POLR1A: variants seen among roughly 807,000 people sequenced by gnomAD.
POLR1A encodes the protein RNA polymerase I subunit A, also known as DNA-directed RNA polymerase I subunit RPA1.
A neutral mutation model predicts 205.3 loss-of-function variants in POLR1A; 84 were observed. That is an observed-to-expected ratio of 0.41 (90% CI 0.34 to 0.49). The LOEUF is 0.49. POLR1A is among the 20% of genes least tolerant of loss of function. POLR1A has a pLI of 0.22. For synonymous variants in POLR1A, 799 were observed against 863.7 expected, an observed-to-expected ratio of 0.93 and a Z score of 1.31; for missense variants, 1,645 against 2,204.5, an observed-to-expected ratio of 0.75 and a Z score of 5.08.
chr2:86,043,914 T>C (rs1321170436), intron 22 of POLR1A, among the ~76,000 whole-genome samples: 1 of 152,208 alleles, frequency 6.6e-6, no homozygotes, highest in East Asian at 1.9e-4. Context: ...GTAGGTATTA[T>C]TCCAGAGGTG....
Position 86,027,758 on chromosome 2 carries a change from C to T in POLR1A, c.5062+127G>A, listed in dbSNP as rs974465461. ...CTGCTGTTCAGCCCCCTCCAGCCGC[C>T]CCCGCTCCCCTCAGATCCCAAGATC... is the stretch of plus-strand genomic sequence containing the variant. On this transcript the variant is annotated intron_variant, in intron 33 of 33. Coordinates refer to ENST00000263857, the MANE Select transcript of POLR1A (RefSeq NM_015425.6). The T allele has an allele frequency of 2.7e-6, 3 of 1,118,180 alleles. No individual in the cohort carries two copies. In the South Asian group the frequency reaches 4.2e-5, roughly 16 times the overall value. 69.3% of individuals were successfully genotyped at this position (1,118,180 alleles called of 1,614,324 possible).
chr2:86,086,668 T>C (rs1392242331), intron 6 of POLR1A, among the ~76,000 whole-genome samples: 1 of 152,132 alleles, frequency 6.6e-6, no homozygotes. Context: ...TTGTTTCTAA[T>C]GCACAGACTT....
At position 86,070,699 on chromosome 2, in the gene POLR1A, C is replaced by A. The variant is rs200649856; in HGVS notation, c.1612-427G>T. ...AGGCATTGGCAGACTTTCGAATCCC[C>A]CCCCCGCCGTGATCACATGTGAGTA... On this transcript the variant is annotated intron_variant, in intron 12 of 33. Transcript: ENST00000263857. The surrounding 1 kb of genome is among the most constrained non-coding windows in gnomAD (Gnocchi z 4.4). Among the ~76,000 whole-genome samples, 5 of 107,844 alleles carry A rather than the reference C, an allele frequency of 4.6e-5. No individual in the cohort carries two copies. Among genetic ancestry groups the A allele is most frequent in the Non-Finnish European group, 8.3e-5 (4 of 48,082 alleles). The allele number at this position is 107,844 out of a possible 152,430, so 70.7% of individuals were successfully genotyped here.
Position 86,028,867 on chromosome 2 carries a change from G to T in POLR1A, c.4780-156C>A. On this transcript the variant is annotated intron_variant, in intron 31 of 33. Transcript: ENST00000263857. This position sits in a 1 kb window ranked among gnomAD's most constrained non-coding sequence, Gnocchi z 4.5. Reference sequence around the variant, plus strand: ...AAGAGGTGGCCCAGGATTAGCAGAAGGAAATGGCTAGGCAGAGCTGCTGAC... The same window carrying T: ...AAGAGGTGGCCCAGGATTAGCAGAATGAAATGGCTAGGCAGAGCTGCTGAC... 1.6e-6 allele frequency: 1 copy of T among 618,792 alleles called. No homozygotes were observed. The highest frequency in any genetic ancestry group is 2.9e-6 in the Non-Finnish European group (1 of 339,190). The allele number at this position is 618,792 out of a possible 1,614,324, so 38.3% of individuals were successfully genotyped here.
At position 86,043,184 on chromosome 2, in the gene POLR1A, T is replaced by A; in HGVS notation, c.3147A>T (p.Lys1049Asn). Residue 1049 changes from lysine to asparagine, a missense_variant, in exon 23 of 34, where the codon AAA (lysine) becomes AAT (asparagine). Lys to Asn is a moderately conservative substitution (Grantham distance 94). Transcript: ENST00000263857. ...ATAAAACTTCATGGAGATGCTGTGA[T>A]TTCATTATCACCTAAACAAACAAAC... ...FLASNYEVIM[K>N]SQHLHEVLSR... is the part of the protein sequence containing the mutation. The A allele has an allele frequency of 6.2e-7, 1 of 1,611,932 alleles. No individual in the cohort carries two copies. Among genetic ancestry groups the A allele is most frequent in the Non-Finnish European group, 8.5e-7 (1 of 1,178,514 alleles).
intron 14 of POLR1A, among the ~76,000 whole-genome samples, chr2:86,061,971 G>A (rs1673006944): frequency 6.6e-6 from 1 of 152,176 alleles, no homozygotes; most frequent in Non-Finnish European, 1.5e-5. Flanking sequence ...TGCAATGACA[G>A]GCAAATCTCT....
chr2:86,092,748 C>T (rs1307067375), intron 3 of POLR1A, among the ~76,000 whole-genome samples: 2 of 152,124 alleles, frequency 1.3e-5, no homozygotes, highest in East Asian at 1.9e-4. Context: ...TCACTTGAAC[C>T]CGGGAGGTGG....
At position 86,089,889 on chromosome 2, in the gene POLR1A, C is replaced by G. The variant is rs146078741; in HGVS notation, c.473G>C (p.Arg158Pro). Residue 158 changes from arginine (R) to proline (P), a missense_variant, in exon 4 of 34, where the codon CGG (arginine) becomes CCG (proline). Physicochemically the swap from Arg to Pro is moderately radical, Grantham distance 103 (BLOSUM62 -2). Transcript: ENST00000263857. ...ENPDPSASEI[R>P]EELEQYTTEI... Reference sequence around the variant, plus strand: ...AGTTGTGTATTGTTCTAATTCCTCCCGAATTTCAGAGGCAGAGGGATCGGG... The same window carrying G: ...AGTTGTGTATTGTTCTAATTCCTCCGGAATTTCAGAGGCAGAGGGATCGGG... 13,374 of 1,611,964 alleles carry G rather than the reference C, an allele frequency of 8.3e-3. 48 individuals carry two copies. The highest frequency in any genetic ancestry group is 9.2e-3 in the Non-Finnish European group (10,820 of 1,178,022).
Position 86,065,383 on chromosome 2 carries a change from C to T in POLR1A, c.1949G>A (p.Arg650Gln), listed in dbSNP as rs552444742. The T allele has an allele frequency of 2.5e-5, 41 of 1,614,082 alleles. No homozygotes were observed. The highest frequency in any genetic ancestry group is 8.0e-5 in the African/African-American group (6 of 75,010). Residue 650 changes from arginine (R) to glutamine (Q), a missense_variant, in exon 14 of 34, where the codon CGG becomes CAG. Coordinates refer to ENST00000263857, the MANE Select transcript of POLR1A (RefSeq NM_015425.6). Reference sequence around the variant, plus strand: ...GTACACCAGCTCCATATAGTGCTCCCGGGTGAAAAAGCAACCCCGAGTAGT... The same window carrying T: ...GTACACCAGCTCCATATAGTGCTCCTGGGTGAAAAAGCAACCCCGAGTAGT... ...SMTTRGCFFT[R>Q]EHYMELVYRG...
chr2:86,075,086 C>T lies in POLR1A; in HGVS notation c.1555G>A (p.Ala519Thr). The T allele has an allele frequency of 1.2e-6, 2 of 1,612,402 alleles. No individual in the cohort carries two copies. Among genetic ancestry groups the T allele is most frequent in the Non-Finnish European group, 1.7e-6 (2 of 1,179,894 alleles). The change falls in exon 12 of 34, where the codon GCC becomes ACC. Residue 519 changes from alanine to threonine, a missense_variant. Coordinates refer to ENST00000263857, the MANE Select transcript of POLR1A (RefSeq NM_015425.6). ...AVDMTQREAVAKQLLTPATGA... is the reference protein window; with the variant it reads ...AVDMTQREAVTKQLLTPATGA... ...GTGGCTGGGGTCAGAAGCTGCTTGG[C>T]CACGGCCTCTCGCTGGGTCATGTCC... is the stretch of plus-strand genomic sequence containing the variant.
Position 86,040,561 on chromosome 2 carries a change from T to C in POLR1A, c.3573-2A>G. 1 of 1,552,908 alleles carries C rather than the reference T, an allele frequency of 6.4e-7. No individual in the cohort carries two copies. ...TTCAGCTGCAGCAAGGTCCTCAACC[T>C]AGAGACGGTGGTGGGGGGTCAGGGT... On this transcript the variant is annotated splice_acceptor_variant, in intron 24 of 33. Transcript: ENST00000263857. LOFTEE classifies it high-confidence loss of function.
In POLR1A at chr2:86,021,609, G is replaced by T. The variant is rs933116602; in HGVS notation, c.*5814C>A. The T allele has an allele frequency of 3.3e-5, 5 of 152,466 alleles. No homozygotes were observed. Among genetic ancestry groups the T allele is most frequent in the African/African-American group, 1.2e-4 (5 of 41,480 alleles). The allele number at this position is 152,466 out of a possible 1,614,324, so 9.4% of individuals were successfully genotyped here. The stretch of plus-strand genomic sequence containing the variant: ...GTGCATGTGCATATGAAGCCTGCTG[G>T]GTACCTCAACCTTTGGCCTGATCAT... On this transcript the variant is annotated 3_prime_UTR_variant, in exon 34 of 34. Transcript: ENST00000263857.
chr2:86,078,282 T>C lies in POLR1A; in HGVS notation c.1089A>G (p.Glu363=), dbSNP rs201760128. The C allele has an allele frequency of 9.8e-4, 1,525 of 1,562,304 alleles. 12 individuals are homozygous for C. In the Middle Eastern group the frequency reaches 0.026, roughly 27 times the overall value. Residue 363 remains glutamate (E), a splice_region_variant and synonymous_variant, in exon 10 of 34, where the codon GAA becomes GAG. Coordinates refer to ENST00000263857, the MANE Select transcript of POLR1A (RefSeq NM_015425.6). ...GGTCAATAGCAATCAAAGAGTCTTTTTCCTGGAAGATGAAACCAAGAAAAC... is the reference window on the plus strand; with the variant it reads ...GGTCAATAGCAATCAAAGAGTCTTTCTCCTGGAAGATGAAACCAAGAAAAC... The part of the protein sequence containing the change: ...EEVATPTTDE[E]KDSLIAIDRS...
Position 86,044,280 on chromosome 2 carries a change from C to G in POLR1A, c.2994G>C (p.Gly998=), listed in dbSNP as rs1390359796. 1 of 1,614,090 alleles carries G rather than the reference C, an allele frequency of 6.2e-7. No individual in the cohort carries two copies. The highest frequency in any genetic ancestry group is 2.2e-5 in the East Asian group (1 of 44,898). The change falls in exon 22 of 34, where the codon GGG becomes GGC. Residue 998 remains glycine, a synonymous_variant. Coordinates refer to ENST00000263857, the MANE Select transcript of POLR1A (RefSeq NM_015425.6). ...CCGTGAGATCATACTGCACGACCAG[C>G]CCCTCTAGGTGCTTGATGATGCACC... ...LQRCIIKHLE[G]LVVQYDLTVR...
At chr2:86,090,791 T>C (rs562535652) in intron 3 of POLR1A, among the ~76,000 whole-genome samples, 1 of 152,296 alleles carries the variant, frequency 6.6e-6, no homozygotes, top group African/African-American at 2.4e-5. Context: ...GAAATGAAAG[T>C]CTTAACCTAA....
At chr2:86,089,726 C>T in intron 4 of POLR1A, 96 bp downstream of exon 4, 1 of 778,408 alleles carries the variant, frequency 1.3e-6, no homozygotes, top group East Asian at 2.5e-5. Context: ...CTCAGGTCTA[C>T]TTTGGGAAGC....
chr2:86,080,731 C>G, intron 9 of POLR1A, 85 bp downstream of exon 9: 1 of 1,350,536 alleles, frequency 7.4e-7, no homozygotes. Context: ...GGAAGCATCT[C>G]CCAGACCCAG....
intron 16 of POLR1A, among the ~76,000 whole-genome samples, chr2:86,050,075 A>G (rs150493800): frequency 0.012 from 1,890 of 151,858 alleles, 50 homozygotes; most frequent in African/African-American, 0.043. Context: ...ACGCCACCAC[A>G]CCCAGCTAAT....
chr2:86,081,170 T>C (rs1322159657), intron 8 of POLR1A, among the ~76,000 whole-genome samples, 192 bp from the exon 9 acceptor site: 2 of 152,002 alleles, frequency 1.3e-5, no homozygotes, highest in Non-Finnish European at 2.9e-5. Context: ...CCATGGCAGG[T>C]GGATCACTGG....
Sources: gnomAD v4.1 joint callset for allele counts (sites outside exome capture counted in the v4.1 genomes callset) on GRCh38, gnomAD v4.1.1 for gene constraint, Gnocchi (gnomAD v3.1) non-coding constraint, MANE v1.5 for transcripts, NCBI Gene and HGNC (gene_info 2026-07-23, HGNC 2026-07-21) for gene names.